Variants in CALN1 observed in about 807,000 individuals in gnomAD.
CALN1 encodes calneuron 1.
A neutral mutation model predicts 30.6 loss-of-function variants in CALN1; 17 were observed. The ratio of observed to expected loss-of-function variants is 0.56; its 90% CI spans 0.38 to 0.83. CALN1 has a LOEUF of 0.83. Among genes scored for constraint, CALN1 ranks in the 40% least tolerant of loss-of-function variants. CALN1 has a pLI of 0.00. For missense variants in CALN1, 291 were observed against 354.9 expected, an observed-to-expected ratio of 0.82 and a Z score of 1.45; for synonymous variants, 156 against 131.4, an observed-to-expected ratio of 1.19 and a Z score of -1.28.
intron 3 of CALN1, among the ~76,000 whole-genome samples, chr7:72,254,694 T>C (rs567645963): frequency 2.0e-5 from 3 of 152,124 alleles, no homozygotes; most frequent in Non-Finnish European, 2.9e-5. Flanking sequence ...AGTCATAACA[T>C]GCAGCACAAG....
At chr7:72,191,173 A>T (rs1007135724) in intron 3 of CALN1, among the ~76,000 whole-genome samples, 3 of 152,226 alleles carry the variant, frequency 2.0e-5, no homozygotes, top group Non-Finnish European at 4.4e-5. Flanking sequence ...GCAGGCTGGG[A>T]AGACAAGAAG....
chr7:72,240,863 G>A lies in CALN1; in HGVS notation c.244+37823C>T, dbSNP rs112188268. ...TCAGAGTGTATCATGCTTTTCTGCT[G>A]TTCTCTCTACCTGGAAGGCCAGTCC... On this transcript the variant is annotated intron_variant, in intron 3 of 6. Coordinates refer to ENST00000395275, the MANE Select transcript of CALN1 (RefSeq NM_031468.4). Among the ~76,000 whole-genome samples the A allele has an allele frequency of 7.6e-3, 1,152 of 152,262 alleles. 10 individuals are homozygous for A. Among genetic ancestry groups the A allele is most frequent in the African/African-American group, 0.024 (1,003 of 41,556 alleles).
At chr7:72,300,687 T>A (rs1799196159) in intron 2 of CALN1, among the ~76,000 whole-genome samples, 1 of 152,192 alleles carries the variant, frequency 6.6e-6, no homozygotes, top group African/African-American at 2.4e-5. Context: ...AAGTATAAAC[T>A]GTATTTGTCT....
intron 2 of CALN1, among the ~76,000 whole-genome samples, chr7:72,390,920 C>T (rs1805539373): frequency 6.6e-6 from 1 of 152,160 alleles, no homozygotes; most frequent in Non-Finnish European, 1.5e-5. Context: ...ACATAATTCA[C>T]AGGCCTCACC....
intron 2 of CALN1, among the ~76,000 whole-genome samples, chr7:72,357,625 T>A (rs1183118614): frequency 6.6e-6 from 1 of 151,502 alleles, no homozygotes; most frequent in African/African-American, 2.4e-5. Flanking sequence ...AATCAGAATC[T>A]ACAAAAGCGA....
intron 5 of CALN1, among the ~76,000 whole-genome samples, chr7:71,957,355 T>C (rs890092716): frequency 6.6e-6 from 1 of 151,882 alleles, no homozygotes; most frequent in African/African-American, 2.4e-5. Context: ...CGTGATGAAA[T>C]CTGATACAAA....
At position 72,403,407 on chromosome 7, in the gene CALN1, G is replaced by A. The variant is rs750165183; in HGVS notation, c.-38C>T. 4 of 1,493,798 alleles carry A rather than the reference G, an allele frequency of 2.7e-6. No individual in the cohort carries two copies. Among genetic ancestry groups the A allele is most frequent in the South Asian group, 2.4e-5 (2 of 82,186 alleles). The allele number at this position is 1,493,798 out of a possible 1,614,324, so 92.5% of individuals were successfully genotyped here. ...GCGATGTTCTCAGAGAGAGTTAGAA[G>A]CTCATCAAAGGAACGTCAGCGAAGG... is the stretch of plus-strand genomic sequence containing the variant. On this transcript the variant is annotated 5_prime_UTR_variant, in exon 2 of 7. Coordinates refer to ENST00000395275, the MANE Select transcript of CALN1 (RefSeq NM_031468.4).
intron 2 of CALN1, among the ~76,000 whole-genome samples, chr7:72,293,198 G>A (rs1042094764): frequency 2.0e-5 from 3 of 152,208 alleles, no homozygotes; most frequent in Non-Finnish European, 2.9e-5. Flanking sequence ...AAGCCAAACA[G>A]AGATACTTAG....
chr7:71,978,439 A>C (rs565598152), intron 5 of CALN1, among the ~76,000 whole-genome samples: 1 of 150,772 alleles, frequency 6.6e-6, no homozygotes, highest in African/African-American at 2.4e-5. Flanking sequence ...CGCCCAGCTA[A>C]TTTTTTTTGT....
intron 2 of CALN1, among the ~76,000 whole-genome samples, chr7:72,293,981 C>T (rs903833694): frequency 4.6e-5 from 7 of 152,052 alleles, no homozygotes; most frequent in Non-Finnish European, 8.8e-5. Context: ...ACCTGTAATC[C>T]CAGCTACTCG....
At chr7:71,985,124 C>T (rs1250483897) in intron 5 of CALN1, among the ~76,000 whole-genome samples, 1 of 151,172 alleles carries the variant, frequency 6.6e-6, no homozygotes, top group Non-Finnish European at 1.5e-5. Context: ...AAAAACCTGG[C>T]AAAGACGATG....
intron 3 of CALN1, among the ~76,000 whole-genome samples, chr7:72,169,288 T>C (rs1788765369): frequency 6.6e-6 from 1 of 151,990 alleles, no homozygotes; most frequent in African/African-American, 2.4e-5. Flanking sequence ...ACTTGCCTCT[T>C]GTTTTTATCT....
chr7:72,352,096 G>A (rs1182055291), intron 2 of CALN1, among the ~76,000 whole-genome samples: 1 of 152,184 alleles, frequency 6.6e-6, no homozygotes, highest in African/African-American at 2.4e-5. Context: ...GAACCCAGGA[G>A]GTGGAGGTTG....
At chr7:71,926,323 G>A (rs554205375) in intron 5 of CALN1, among the ~76,000 whole-genome samples, 55 of 152,254 alleles carry the variant, frequency 3.6e-4, no homozygotes, top group Non-Finnish European at 6.2e-4. Flanking sequence ...CTGCTTCACA[G>A]CCAGCACTCC....
At chr7:71,829,428 A>G (rs527859911) in intron 5 of CALN1, among the ~76,000 whole-genome samples, 8 of 152,364 alleles carry the variant, frequency 5.3e-5, no homozygotes, top group Non-Finnish European at 1.0e-4. Context: ...ACCTCCAGAA[A>G]TGTAGAATAC....
intron 3 of CALN1, among the ~76,000 whole-genome samples, chr7:72,167,701 A>G (rs550523188): frequency 6.6e-6 from 1 of 152,324 alleles, no homozygotes; most frequent in East Asian, 1.9e-4. Context: ...GAATCATTTA[A>G]TATCTCTGAG....
At chr7:72,148,139 A>G (rs1786915606) in intron 3 of CALN1, among the ~76,000 whole-genome samples, 1 of 139,216 alleles carries the variant, frequency 7.2e-6, no homozygotes, top group African/African-American at 2.7e-5. Context: ...CCAAACAAAC[A>G]AACAGAAAAA....
chr7:71,838,273 G>A (rs1241582719), intron 5 of CALN1, among the ~76,000 whole-genome samples: 1 of 152,204 alleles, frequency 6.6e-6, no homozygotes, highest in Non-Finnish European at 1.5e-5. Flanking sequence ...CAGGCTTGTA[G>A]TTAAGAGATC....
intron 3 of CALN1, among the ~76,000 whole-genome samples, chr7:72,219,101 T>C (rs1793072225): frequency 6.6e-6 from 1 of 152,184 alleles, no homozygotes; most frequent in South Asian, 2.1e-4. Context: ...ATTCATTAAA[T>C]AAGCACTCAG....
Sources: allele counts gnomAD v4.1 joint callset (sites outside exome capture counted in the v4.1 genomes callset), GRCh38; gene constraint gnomAD v4.1.1; transcripts MANE v1.5; gene names NCBI Gene and HGNC (gene_info 2026-07-23, HGNC 2026-07-21).